Variants in FHAD1 observed in about 807,000 individuals in gnomAD.
FHAD1 encodes forkhead-associated domain-containing protein 1.
In FHAD1, 146 loss-of-function variants were observed where a neutral mutation model predicts 191.3. That is an observed-to-expected ratio of 0.76 (90% CI 0.67 to 0.88). The LOEUF is 0.88. Among genes scored for constraint, FHAD1 ranks in the 40% least tolerant of loss-of-function variants. FHAD1 has a pLI of 0.00. For synonymous variants in FHAD1, 616 were observed against 672.3 expected (o/e 0.92, Z 1.29); for missense variants, 1,635 against 1,785.8 (o/e 0.92, Z 1.52).
At chr1:15,360,451 C>A in intron 21 of FHAD1, 27 bp from the exon 22 acceptor site, 3 of 1,543,186 alleles carry the variant, frequency 1.9e-6, no homozygotes, top group Non-Finnish European at 2.6e-6. Context: ...CTCCCAAGAC[C>A]TCACTGAGTG....
At chr1:15,394,256 G>T (rs1705188111) in intron 33 of FHAD1, among the ~76,000 whole-genome samples, 1 of 152,270 alleles carries the variant, frequency 6.6e-6, no homozygotes, top group South Asian at 2.1e-4. Context: ...GGCAGCCCTG[G>T]GGCTGGAGAC....
rs1663929258 is a variant in FHAD1, at chr1:15,289,864, A to G, written c.568+198A>G. On this transcript the variant is annotated intron_variant, in intron 4 of 33. Coordinates refer to ENST00000688493, the MANE Select transcript of FHAD1 (RefSeq NM_001391957.1). This position sits in a 1 kb window ranked among gnomAD's most constrained non-coding sequence, Gnocchi z 4.2. ...CCTTATCCCCAGGGTCTCCCTATTG[A>G]CTCTCTGCTGCGTATCCCTCCAGCC... Among the ~76,000 whole-genome samples, 1 of 152,010 alleles carries G rather than the reference A, an allele frequency of 6.6e-6. No individual in the cohort carries two copies. The highest frequency in any genetic ancestry group is 6.6e-5 in the Admixed American group (1 of 15,262).
intron 22 of FHAD1, among the ~76,000 whole-genome samples, chr1:15,361,565 T>G (rs1312438000): frequency 6.6e-6 from 1 of 152,020 alleles, no homozygotes; most frequent in Non-Finnish European, 1.5e-5. Context: ...GCACTCAGGA[T>G]CCAATGATGG....
chr1:15,311,737 C>A lies in FHAD1; in HGVS notation c.1040-1320C>A, dbSNP rs564662130. The stretch of plus-strand genomic sequence containing the variant: ...AACCCAATACCACTGCATTATGCAC[C>A]CTTCTTCTCACTTTTTCTCAATGTG... On this transcript the variant is annotated intron_variant, in intron 7 of 33. Transcript: ENST00000688493. The surrounding 1 kb of genome is among the most constrained non-coding windows in gnomAD (Gnocchi z 4.1). Among the ~76,000 whole-genome samples, 2 of 152,108 alleles carry A rather than the reference C, an allele frequency of 1.3e-5. No individual in the cohort carries two copies. The highest frequency in any genetic ancestry group is 1.9e-4 in the East Asian group (1 of 5,198).
chr1:15,305,643 A>G (rs1220575224), intron 6 of FHAD1: 1 of 233,958 alleles, frequency 4.3e-6, no homozygotes, highest in East Asian at 1.6e-4. Flanking sequence ...TAATTGAATC[A>G]TGGGGGCCAG....
Position 15,380,739 on chromosome 1 carries a change from C to T in FHAD1, c.3744C>T (p.Ala1248=). ...NGLCNARFGS[A]MEKSGKMDVA... Reference sequence around the variant, plus strand: ...TTTGCAACGCAAGGTTCGGCTCAGCCATGGAGAAGTCAGGGAAGATGGATG... The same window carrying T: ...TTTGCAACGCAAGGTTCGGCTCAGCTATGGAGAAGTCAGGGAAGATGGATG... The change falls in exon 29 of 34, where the codon GCC becomes GCT. Residue 1248 remains alanine (A), a synonymous_variant. Transcript: ENST00000688493. 1 of 1,551,722 alleles carries T rather than the reference C, an allele frequency of 6.4e-7. No homozygotes were observed. The highest frequency in any genetic ancestry group is 1.2e-5 in the South Asian group (1 of 84,058).
At chr1:15,362,600 G>A (rs1695162387) in intron 22 of FHAD1, 42 bp from the exon 23 acceptor site, 4 of 1,485,352 alleles carry the variant, frequency 2.7e-6, no homozygotes, top group Admixed American at 2.0e-5. Flanking sequence ...AAAGGGGAAG[G>A]ACAGTTTCCT....
In FHAD1 at chr1:15,341,634, C is replaced by A. The variant is rs572949553; in HGVS notation, c.1978-102C>A. 2.7e-5 allele frequency: 28 copies of A among 1,046,750 alleles called. No homozygotes were observed. The East Asian group carries it at 3.2e-4, about 12-fold the overall frequency. 64.8% of individuals were successfully genotyped at this position (1,046,750 alleles called of 1,614,324 possible). On this transcript the variant is annotated intron_variant, in intron 15 of 33. Transcript: ENST00000688493. Reference sequence around the variant, plus strand: ...TGATTTTAAGAAACTTTTGGGTAAACCTTTGTACCCAGAAAGGTAAACAAT... The same window carrying A: ...TGATTTTAAGAAACTTTTGGGTAAAACTTTGTACCCAGAAAGGTAAACAAT...
chr1:15,281,964 A>G (rs1660773184), intron 3 of FHAD1, among the ~76,000 whole-genome samples: 1 of 152,012 alleles, frequency 6.6e-6, no homozygotes, highest in Admixed American at 6.6e-5. Flanking sequence ...CTGTGCTATA[A>G]TCCACCTGAT....
intron 1 of FHAD1, among the ~76,000 whole-genome samples, chr1:15,248,695 C>A (rs949211875): frequency 1.3e-5 from 2 of 151,996 alleles, no homozygotes; most frequent in African/African-American, 2.4e-5. Context: ...AAGTGATTCT[C>A]CTGCCTCAGA....
At chr1:15,272,588 C>G in intron 3 of FHAD1, 59 bp downstream of exon 3, 4 of 1,454,126 alleles carry the variant, frequency 2.8e-6, no homozygotes, top group Non-Finnish European at 3.7e-6. Context: ...GCCCGGCGCT[C>G]GGATGCAGCT....
At chr1:15,278,276 C>T (rs1480929029) in intron 3 of FHAD1, among the ~76,000 whole-genome samples, 1 of 152,162 alleles carries the variant, frequency 6.6e-6, no homozygotes, top group Non-Finnish European at 1.5e-5. Flanking sequence ...AACCTCCACT[C>T]ATAACACTAT....
upstream of FHAD1, among the ~76,000 whole-genome samples, chr1:15,246,152 G>A (rs1222431354): frequency 6.6e-6 from 1 of 152,182 alleles, no homozygotes; most frequent in African/African-American, 2.4e-5. Context: ...GAGAGAGAGA[G>A]AGCAAAGGGG....
chr1:15,372,849 C>T (rs1698508311), intron 26 of FHAD1, among the ~76,000 whole-genome samples: 1 of 152,210 alleles, frequency 6.6e-6, no homozygotes, highest in African/African-American at 2.4e-5. Context: ...ACATCCCACC[C>T]TGTTTCCCCA....
At chr1:15,392,308 G>A (rs1323066897) in intron 33 of FHAD1, among the ~76,000 whole-genome samples, 4 of 152,158 alleles carry the variant, frequency 2.6e-5, no homozygotes, top group East Asian at 3.9e-4. Flanking sequence ...CAAGGCGGGC[G>A]GATCACGAGG....
chr1:15,294,185 G>A (rs1328485093), intron 4 of FHAD1, among the ~76,000 whole-genome samples: 2 of 152,192 alleles, frequency 1.3e-5, no homozygotes, highest in African/African-American at 4.8e-5. Context: ...AAAGCACCGA[G>A]TTTTGAGGAA....
rs1699004918 is a variant in FHAD1 at position 15,374,498 on chromosome 1, A to G, written c.3448-4A>G. ...AAATGCTGCCCGCCCCATTCTGCCC[A>G]CAGCAGCAATCCTTCAGCGATCTAG... On this transcript the variant is annotated splice_polypyrimidine_tract_variant and splice_region_variant and intron_variant, in intron 26 of 33. Transcript: ENST00000688493. The G allele has an allele frequency of 6.4e-7, 1 of 1,551,836 alleles. No individual in the cohort carries two copies. Among genetic ancestry groups the G allele is most frequent in the South Asian group, 1.2e-5 (1 of 84,060 alleles).
At chr1:15,376,700 C>T (rs1304557219) in intron 28 of FHAD1, among the ~76,000 whole-genome samples, 1 of 152,112 alleles carries the variant, frequency 6.6e-6, no homozygotes, top group African/African-American at 2.4e-5. Context: ...TAGTGCCTGG[C>T]TCAGAGGAAA....
intron 6 of FHAD1, among the ~76,000 whole-genome samples, chr1:15,306,505 C>G (rs1670531579): frequency 6.6e-6 from 1 of 152,212 alleles, no homozygotes; most frequent in South Asian, 2.1e-4. Flanking sequence ...GAGACCTTCA[C>G]AGCAGCCCCT....
Sources: allele counts gnomAD v4.1 joint callset (sites outside exome capture counted in the v4.1 genomes callset), GRCh38; gene constraint gnomAD v4.1.1; non-coding constraint Gnocchi (gnomAD v3.1); transcripts MANE v1.5; gene names NCBI Gene and HGNC (gene_info 2026-07-23, HGNC 2026-07-21).